Variants in OXR1 observed in about 807,000 individuals in gnomAD.
The protein encoded by OXR1 is oxidation resistance protein 1.
In OXR1, 41 loss-of-function variants were observed where a neutral mutation model predicts 104.6. The ratio of observed to expected loss-of-function variants is 0.39; its 90% CI spans 0.31 to 0.51. OXR1 has a LOEUF of 0.51. Ranked by LOEUF, OXR1 falls within the 20% of genes least tolerant of loss-of-function variation. The pLI is 0.77. For missense variants in OXR1, 955 were observed against 1,031.9 expected (o/e 0.93, Z 1.02); for synonymous variants, 348 against 348.4 (o/e 1.00, Z 0.01).
At chr8:106,654,291 T>A (rs921111068) in intron 3 of OXR1, among the ~76,000 whole-genome samples, 2 of 152,126 alleles carry the variant, frequency 1.3e-5, no homozygotes, top group Admixed American at 1.3e-4. Flanking sequence ...CACTTTCCAA[T>A]TTCAAAACTT....
At chr8:106,331,997 AGTGTGTGTGTGTGTGTGTGT>A (rs3073756) in intron 1 of OXR1, among the ~76,000 whole-genome samples, 1 of 138,080 alleles carries the variant, frequency 7.2e-6, no homozygotes, top group Non-Finnish European at 1.6e-5. Context: ...GAAAGAACAT[AGTGTGTGTGTGTGTGTGTGT>A]GTGTGTGTGT....
chr8:106,643,685 G>A (rs985272881), intron 3 of OXR1, among the ~76,000 whole-genome samples: 23 of 152,162 alleles, frequency 1.5e-4, no homozygotes, highest in African/African-American at 4.6e-4. Context: ...AATTGCTTGA[G>A]TAAAAGATGG....
intron 1 of OXR1, among the ~76,000 whole-genome samples, chr8:106,296,316 T>C (rs1163448433): frequency 6.6e-6 from 1 of 152,160 alleles, no homozygotes; most frequent in African/African-American, 2.4e-5. Flanking sequence ...ATAAAAAGAA[T>C]TAGTGATCGC....
At chr8:106,344,737 C>A (rs1554625722) in intron 1 of OXR1, among the ~76,000 whole-genome samples, 1 of 152,194 alleles carries the variant, frequency 6.6e-6, no homozygotes, top group Non-Finnish European at 1.5e-5. Flanking sequence ...CCAGCTGATG[C>A]ATGAAAAGTG....
chr8:106,666,543 T>A (rs998470680), intron 3 of OXR1, among the ~76,000 whole-genome samples: 70 of 152,186 alleles, frequency 4.6e-4, no homozygotes, highest in African/African-American at 1.6e-3. Flanking sequence ...TGAGATTTTG[T>A]AGTTGAGGAG....
chr8:106,470,298 G>A (rs1297621853), intron 2 of OXR1, among the ~76,000 whole-genome samples: 1 of 151,780 alleles, frequency 6.6e-6, no homozygotes, highest in East Asian at 1.9e-4. Context: ...ACCAGAAGAT[G>A]CACTACCAGA....
At chr8:106,492,054 A>T (rs1811123530) in intron 2 of OXR1, among the ~76,000 whole-genome samples, 1 of 152,190 alleles carries the variant, frequency 6.6e-6, no homozygotes, top group African/African-American at 2.4e-5. Flanking sequence ...AATACCTAAC[A>T]TTTTGTGTAT....
At chr8:106,593,067 C>T (rs867591441) in intron 3 of OXR1, among the ~76,000 whole-genome samples, 1 of 152,164 alleles carries the variant, frequency 6.6e-6, no homozygotes, top group Non-Finnish European at 1.5e-5. Flanking sequence ...GAAGCTTTCC[C>T]GGATTCTTCA....
At chr8:106,391,401 T>C (rs996761508) in intron 2 of OXR1, among the ~76,000 whole-genome samples, 133 of 145,020 alleles carry the variant, frequency 9.2e-4, no homozygotes, top group Non-Finnish European at 1.4e-3. Flanking sequence ...TAGTATAAAA[T>C]AATAAATCAT....
rs766043521 is a variant in OXR1 at position 106,618,203 on chromosome 8, T to C, written c.221-61007T>C. 7 of 1,526,132 alleles carry C rather than the reference T, an allele frequency of 4.6e-6. No individual in the cohort carries two copies. The South Asian group carries it at 7.2e-5, about 16-fold the overall frequency. The allele number at this position is 1,526,132 out of a possible 1,614,324, so 94.5% of individuals were successfully genotyped here. A position where few individuals can be genotyped will look rare whatever the true frequency, so the allele number is the denominator to read the frequency against. ...GCAAAGGTATGTGTAAGTGCTCTCT[T>C]AGTGGCTTTAAATAAGTTATTTTGG... is the stretch of plus-strand genomic sequence containing the variant. On this transcript the variant is annotated intron_variant, in intron 3 of 16. Transcript: ENST00000517566.
intron 1 of OXR1, among the ~76,000 whole-genome samples, chr8:106,312,302 A>C (rs1210176100): frequency 6.6e-6 from 1 of 152,214 alleles, no homozygotes; most frequent in Non-Finnish European, 1.5e-5. Context: ...GGCCAGCTTC[A>C]GTTTCAATGG....
intron 3 of OXR1, among the ~76,000 whole-genome samples, chr8:106,621,431 A>G (rs1359981744): frequency 6.6e-6 from 1 of 152,126 alleles, no homozygotes; most frequent in African/African-American, 2.4e-5. Flanking sequence ...AGCCTGGGCA[A>G]CAGAGTGAGA....
At chr8:106,535,071 T>G (rs1349427738) in intron 3 of OXR1, among the ~76,000 whole-genome samples, 1 of 152,154 alleles carries the variant, frequency 6.6e-6, no homozygotes, top group East Asian at 1.9e-4. Context: ...CACACCATTC[T>G]CCTGCCTCAG....
intron 1 of OXR1, among the ~76,000 whole-genome samples, chr8:106,289,995 T>G (rs1040210060): frequency 5.9e-5 from 9 of 152,290 alleles, no homozygotes; most frequent in Non-Finnish European, 1.2e-4. Context: ...TGATTGTAAG[T>G]TTCCTGAGGC....
chr8:106,395,542 T>C lies in OXR1; in HGVS notation c.23+35906T>C, dbSNP rs76650678. On this transcript the variant is annotated intron_variant, in intron 2 of 16. Coordinates refer to ENST00000517566, the MANE Select transcript of OXR1 (RefSeq NM_001198533.2). ...ATAGCATGGGAAAGACTGGCCCCCA[T>C]AATTCAATCACCTCCTCCTGGGTCC... 3.5e-3 allele frequency among the ~76,000 whole-genome samples: 531 copies of C among 152,264 alleles called. 5 individuals carry two copies. The highest frequency in any genetic ancestry group is 0.011 in the African/African-American group (468 of 41,580).
chr8:106,334,961 G>A (rs1474121164), intron 1 of OXR1, among the ~76,000 whole-genome samples: 1 of 151,912 alleles, frequency 6.6e-6, no homozygotes, highest in East Asian at 1.9e-4. Context: ...CACCTTTCTT[G>A]AAACATCCTA....
At chr8:106,671,044 CAAAAAA>C (rs60404483) in intron 3 of OXR1, among the ~76,000 whole-genome samples, 1 of 48,926 alleles carries the variant, frequency 2.0e-5, no homozygotes, top group Admixed American at 2.2e-4. Flanking sequence ...GACTCTGTCT[CAAAAAA>C]AAAAAAAAAA....
intron 3 of OXR1, among the ~76,000 whole-genome samples, chr8:106,614,522 CA>C (rs1821050872): frequency 6.6e-6 from 1 of 152,108 alleles, no homozygotes. Context: ...GCCCACATCC[CA>C]AAAGTGGTAG....
chr8:106,737,599 A>G lies in OXR1; in HGVS notation c.2036A>G (p.Gln679Arg). The G allele has an allele frequency of 1.5e-6, 2 of 1,377,208 alleles. No individual in the cohort carries two copies. The highest frequency in any genetic ancestry group is 1.9e-6 in the Non-Finnish European group (2 of 1,049,418). 85.3% of individuals were successfully genotyped at this position (1,377,208 alleles called of 1,614,324 possible). A position where few individuals can be genotyped will look rare whatever the true frequency, so the allele number is the denominator to read the frequency against. The change falls in exon 12 of 17, where the codon CAG becomes CGG. Residue 679 changes from glutamine (Q) to arginine (R), a missense_variant and splice_region_variant. Gln to Arg is a conservative substitution (Grantham distance 43). Transcript: ENST00000517566. ...EELRTLCRRL[Q>R]ITTREDINSK... ...CTGCGCACACTCTGCAGACGCCTCC[A>G]GGTGCCCCCTTCAGTAGTTTAAACC...
Sources: gnomAD v4.1 joint callset for allele counts (sites outside exome capture counted in the v4.1 genomes callset) on GRCh38, gnomAD v4.1.1 for gene constraint, MANE v1.5 for transcripts, NCBI Gene and HGNC (gene_info 2026-07-23, HGNC 2026-07-21) for gene names.